DEPDC4: variants seen among roughly 807,000 people sequenced by gnomAD.
The protein encoded by DEPDC4 is DEP domain-containing protein 4.
DEPDC4 carries 52 observed loss-of-function variants against 52.0 expected under a neutral mutation model. That is an observed-to-expected ratio of 1.00 (90% CI 0.80 to 1.26). DEPDC4 has a LOEUF of 1.26. DEPDC4 is among the 50% of genes most tolerant of loss of function. The probability of loss-of-function intolerance (pLI) is 0.00; values close to 1 mark genes in which losing one functional copy is unlikely to be tolerated. For synonymous variants in DEPDC4, 201 were observed against 196.8 expected, an observed-to-expected ratio of 1.02 and a Z score of -0.18; for missense variants, 530 against 546.9, an observed-to-expected ratio of 0.97 and a Z score of 0.31.
intron 9 of DEPDC4, among the ~76,000 whole-genome samples, chr12:100,232,982 G>A (rs2096136778): frequency 6.6e-6 from 1 of 152,128 alleles, no homozygotes. Flanking sequence ...CCTGTGACAG[G>A]CAATGTATGT....
At chr12:100,281,630 G>A in the DEPDC4 span, among the ~76,000 whole-genome samples, 28 of 152,214 alleles carry the variant, frequency 1.8e-4, no homozygotes, top group East Asian at 5.4e-3. Context: ...TCAGGAGATC[G>A]AGACCATCCT....
At chr12:100,251,234 T>C (rs1444920639) in intron 7 of DEPDC4, among the ~76,000 whole-genome samples, 1 of 152,044 alleles carries the variant, frequency 6.6e-6, no homozygotes, top group African/African-American at 2.4e-5. Flanking sequence ...TGTGCCCAGC[T>C]AGACACATTT....
the DEPDC4 span, among the ~76,000 whole-genome samples, chr12:100,277,222 T>C: frequency 1.3e-5 from 2 of 152,256 alleles, no homozygotes; most frequent in African/African-American, 4.8e-5. Flanking sequence ...GAATGTTACA[T>C]GTCTGCATGA....
Position 100,263,725 on chromosome 12 carries a change from C to T in DEPDC4, c.326G>A (p.Cys109Tyr). ...VVLSHLMQNT[C>Y]LSSNDISCLK... Reference sequence around the variant, plus strand: ...ACAAGAGATGTCATTGCTACTTAGGCACGTGTTTTGCATAAGATGACTTAA... The same window carrying T: ...ACAAGAGATGTCATTGCTACTTAGGTACGTGTTTTGCATAAGATGACTTAA... Residue 109 changes from cysteine (C) to tyrosine (Y), a missense_variant, in exon 2 of 10, where the codon TGC (cysteine) becomes TAC (tyrosine). Coordinates refer to ENST00000550587, the MANE Select transcript of DEPDC4 (RefSeq NM_001364818.2). 6.2e-7 allele frequency: 1 copy of T among 1,614,092 alleles called. No homozygotes were observed. The highest frequency in any genetic ancestry group is 8.5e-7 in the Non-Finnish European group (1 of 1,180,032).
intron 8 of DEPDC4, among the ~76,000 whole-genome samples, chr12:100,248,010 AAATAAT>A (rs536170098): frequency 6.6e-6 from 1 of 152,162 alleles, no homozygotes; most frequent in Admixed American, 6.6e-5. Flanking sequence ...CTATAAAATC[AAATAAT>A]AATAATATTA....
At chr12:100,249,187 T>C (rs2096198003) in intron 7 of DEPDC4, among the ~76,000 whole-genome samples, 1 of 152,232 alleles carries the variant, frequency 6.6e-6, no homozygotes, top group Admixed American at 6.5e-5. Flanking sequence ...TCTGCCTTCA[T>C]GTGTGTACTG....
intron 8 of DEPDC4, among the ~76,000 whole-genome samples, chr12:100,244,360 T>C (rs189373900): frequency 5.2e-4 from 79 of 151,296 alleles, no homozygotes; most frequent in African/African-American, 1.7e-3. Flanking sequence ...TTTTTGTATT[T>C]TTAGTAGAGA....
intron 5 of DEPDC4, among the ~76,000 whole-genome samples, 199 bp downstream of exon 5, chr12:100,253,290 T>C (rs1424714615): frequency 6.6e-6 from 1 of 152,006 alleles, no homozygotes; most frequent in Non-Finnish European, 1.5e-5. Context: ...CTATACTATA[T>C]TAGTTACATT....
At chr12:100,280,478 A>C in the DEPDC4 span, among the ~76,000 whole-genome samples, 1 of 152,168 alleles carries the variant, frequency 6.6e-6, no homozygotes. Flanking sequence ...TTCCCTGAAA[A>C]GTCTTCATGT....
At position 100,240,304 on chromosome 12, in the gene DEPDC4, G is replaced by T. The variant is rs1173515751; in HGVS notation, c.*1588C>A. Among the ~76,000 whole-genome samples the T allele has an allele frequency of 6.6e-6, 1 of 152,070 alleles. No individual in the cohort carries two copies. Among genetic ancestry groups the T allele is most frequent in the African/African-American group, 2.4e-5 (1 of 41,430 alleles). ...TGAGTAGCTGGGACTATAGGTGTGG[G>T]CTGCCACACCTGGCTAAATTTTTTT... is the stretch of plus-strand genomic sequence containing the variant. On this transcript the variant is annotated 3_prime_UTR_variant, in exon 10 of 10. Coordinates refer to ENST00000550587, the MANE Select transcript of DEPDC4 (RefSeq NM_001364818.2).
chr12:100,268,469 C>T (rs1214356756), upstream of DEPDC4, among the ~76,000 whole-genome samples: 3 of 152,058 alleles, frequency 2.0e-5, no homozygotes, highest in East Asian at 5.8e-4. Flanking sequence ...ATGAAATCAG[C>T]TGAGTATATA....
chr12:100,260,212 C>T (rs1038929289), intron 3 of DEPDC4, among the ~76,000 whole-genome samples: 1 of 151,946 alleles, frequency 6.6e-6, no homozygotes, highest in Non-Finnish European at 1.5e-5. Flanking sequence ...CCTTTGCCTC[C>T]CGGGTTCAAG....
chr12:100,277,105 C>T, the DEPDC4 span, among the ~76,000 whole-genome samples: 8 of 152,050 alleles, frequency 5.3e-5, no homozygotes, highest in South Asian at 2.1e-4. Context: ...CAAAGAGAAT[C>T]GTTTGTATTA....
the DEPDC4 span, among the ~76,000 whole-genome samples, chr12:100,281,019 G>GTTTTGTTTGTTTTTTTTT: frequency 2.0e-5 from 1 of 50,492 alleles, no homozygotes; most frequent in African/African-American, 6.9e-5. Context: ...TACCATCAGT[G>GTTTTGTTTGTTTTTTTTT]TTTTTTTTTT....
Position 100,262,287 on chromosome 12 carries a change from G to T in DEPDC4, c.677C>A (p.Pro226His). ...ALCPNITVQK[P>H]FLRLSKEDVW... ...ACCTTCTTTTGAAAGCCGGAGAAAA[G>T]GTTTCTGAACTGTGATATTTGGACA... is the stretch of plus-strand genomic sequence containing the variant. The change falls in exon 3 of 10, where the codon CCT becomes CAT. Residue 226 changes from proline to histidine, a missense_variant. By Grantham distance (77) the Pro-to-His change is moderately conservative (BLOSUM62 -2). Transcript: ENST00000550587. 6.2e-7 allele frequency: 1 copy of T among 1,605,990 alleles called. No homozygotes were observed. Among genetic ancestry groups the T allele is most frequent in the African/African-American group, 1.3e-5 (1 of 74,444 alleles).
chr12:100,252,791 T>A (rs182442140), intron 5 of DEPDC4, among the ~76,000 whole-genome samples: 6 of 152,344 alleles, frequency 3.9e-5, no homozygotes, highest in Admixed American at 2.0e-4. Context: ...ATATGGCCAC[T>A]TACACAGCTA....
At chr12:100,236,270 C>T (rs1319625038), downstream of DEPDC4, among the ~76,000 whole-genome samples, 2 of 152,112 alleles carry the variant, frequency 1.3e-5, no homozygotes, top group Non-Finnish European at 2.9e-5. Context: ...ATCTCCACAC[C>T]GTTTTCCATA....
the DEPDC4 span, among the ~76,000 whole-genome samples, chr12:100,273,224 C>T: frequency 6.6e-6 from 1 of 152,120 alleles, no homozygotes; most frequent in Non-Finnish European, 1.5e-5. Context: ...TCTTTTTCTT[C>T]AGCTTTTAAC....
chr12:100,238,445 C>T (rs1329808492), downstream of DEPDC4, among the ~76,000 whole-genome samples: 5 of 150,004 alleles, frequency 3.3e-5, no homozygotes, highest in Non-Finnish European at 6.0e-5. Context: ...CAGGTGTGAG[C>T]CACCACACCC....
Sources: gnomAD v4.1 joint callset for allele counts (sites outside exome capture counted in the v4.1 genomes callset) on GRCh38, gnomAD v4.1.1 for gene constraint, MANE v1.5 for transcripts, NCBI Gene and HGNC (gene_info 2026-07-23, HGNC 2026-07-21) for gene names.